ANKH: variants seen among roughly 807,000 people sequenced by gnomAD.
ANKH encodes the protein ANKH inorganic pyrophosphate transport regulator, also known as mineralization regulator ANKH.
In ANKH, 15 loss-of-function variants were observed where a neutral mutation model predicts 49.0. The observed-to-expected ratio is 0.31, with a 90% CI of 0.20 to 0.47. The LOEUF is 0.47. ANKH is among the 20% of genes least tolerant of loss of function. ANKH has a pLI of 1.00. For synonymous variants in ANKH, 273 were observed against 260.0 expected (o/e 1.05, Z -0.48); for missense variants, 429 against 652.0 (o/e 0.66, Z 3.72).
At chr5:14,760,300 C>T (rs950161373) in intron 2 of ANKH, among the ~76,000 whole-genome samples, 2 of 152,086 alleles carry the variant, frequency 1.3e-5, no homozygotes, top group African/African-American at 4.8e-5. Flanking sequence ...GCTGTGATGT[C>T]CCTGTCGTTT....
At position 14,707,941 on chromosome 5, in the gene ANKH, A is replaced by G. The variant is rs1737004090; in HGVS notation, c.*3256T>C. 6.6e-6 allele frequency: 1 copy of G among 152,202 alleles called. No individual in the cohort carries two copies. Among genetic ancestry groups the G allele is most frequent in the South Asian group, 2.1e-4 (1 of 4,830 alleles). The allele number at this position is 152,202 out of a possible 1,614,324, so 9.4% of individuals were successfully genotyped here. A position where few individuals can be genotyped will look rare whatever the true frequency, so the allele number is the denominator to read the frequency against. On this transcript the variant is annotated 3_prime_UTR_variant, in exon 12 of 12. Coordinates refer to ENST00000284268, the MANE Select transcript of ANKH (RefSeq NM_054027.6). ...TGTTTTTTACCCAGAAATGCAAACA[A>G]GTGGCCTTCTGTGCCCCATTTAAAG... is the stretch of plus-strand genomic sequence containing the variant.
intron 8 of ANKH, among the ~76,000 whole-genome samples, chr5:14,722,356 G>C (rs1414315654): frequency 6.6e-6 from 1 of 152,192 alleles, no homozygotes; most frequent in Admixed American, 6.5e-5. Flanking sequence ...TCAGGACACA[G>C]CCTTCAAAAT....
intron 2 of ANKH, among the ~76,000 whole-genome samples, chr5:14,767,181 A>G (rs1739283305): frequency 6.6e-6 from 1 of 152,200 alleles, no homozygotes; most frequent in Non-Finnish European, 1.5e-5. Flanking sequence ...CAGGATCTGG[A>G]TATAGAAAAG....
intron 6 of ANKH, 97 bp downstream of exon 6, chr5:14,749,075 A>G (rs1738630569): frequency 1.3e-6 from 2 of 1,533,588 alleles, no homozygotes; most frequent in African/African-American, 2.7e-5. Context: ...ATATTGGGGA[A>G]TTACTTGAGC....
At chr5:14,830,552 A>T (rs972238534) in intron 1 of ANKH, among the ~76,000 whole-genome samples, 7 of 147,354 alleles carry the variant, frequency 4.8e-5, no homozygotes, top group South Asian at 2.2e-4. Flanking sequence ...TGTGTGTGTG[A>T]GTGTGTGCAG....
chr5:14,743,805 G>A (rs529763990), intron 7 of ANKH, among the ~76,000 whole-genome samples: 47 of 152,328 alleles, frequency 3.1e-4, no homozygotes, highest in Admixed American at 2.2e-3. Context: ...AGGTATGCTC[G>A]TTAAAGGAAT....
chr5:14,868,415 A>G (rs1471127981), intron 1 of ANKH: 1 of 126,544 alleles, frequency 7.9e-6, no homozygotes, highest in East Asian at 2.2e-4. Flanking sequence ...TTTTTTTTTT[A>G]GACGGAGTCT....
chr5:14,729,581 C>T (rs1737930817), intron 8 of ANKH, among the ~76,000 whole-genome samples: 1 of 152,056 alleles, frequency 6.6e-6, no homozygotes. Flanking sequence ...GGAGGCGTTT[C>T]CTTTCCCTGT....
At chr5:14,764,293 C>T (rs996417742) in intron 2 of ANKH, among the ~76,000 whole-genome samples, 2 of 152,056 alleles carry the variant, frequency 1.3e-5, no homozygotes, top group East Asian at 3.9e-4. Flanking sequence ...ATGGTGGGCC[C>T]GTTCTGATTC....
chr5:14,791,531 T>C (rs1740165635), intron 1 of ANKH, among the ~76,000 whole-genome samples: 1 of 152,086 alleles, frequency 6.6e-6, no homozygotes, highest in Non-Finnish European at 1.5e-5. Flanking sequence ...GTTCCCTTGT[T>C]GTAAAAAAAA....
At chr5:14,775,951 G>C (rs540616195) in intron 1 of ANKH, among the ~76,000 whole-genome samples, 2 of 152,308 alleles carry the variant, frequency 1.3e-5, no homozygotes, top group African/African-American at 4.8e-5. Context: ...GACAAGGTGC[G>C]GCTTGGCCGA....
At chr5:14,716,625 T>C in intron 9 of ANKH, 81 bp downstream of exon 9, 1 of 1,585,588 alleles carries the variant, frequency 6.3e-7, no homozygotes, top group South Asian at 1.1e-5. Flanking sequence ...GTTGGTGACA[T>C]AATTGCAAAC....
At chr5:14,722,896 C>T (rs752321908) in intron 8 of ANKH, among the ~76,000 whole-genome samples, 3 of 151,918 alleles carry the variant, frequency 2.0e-5, no homozygotes, top group Non-Finnish European at 2.9e-5. Flanking sequence ...TCAACATCCA[C>T]GCACATACCC....
intron 1 of ANKH, among the ~76,000 whole-genome samples, chr5:14,867,245 C>T (rs1735673993): frequency 6.6e-6 from 1 of 151,604 alleles, no homozygotes; most frequent in Non-Finnish European, 1.5e-5. Flanking sequence ...AGAACTTATT[C>T]CTAAATTTAT....
At chr5:14,815,313 T>TC (rs1561068164) in intron 1 of ANKH, among the ~76,000 whole-genome samples, 1 of 152,018 alleles carries the variant, frequency 6.6e-6, no homozygotes, top group Admixed American at 6.6e-5. Context: ...GAGAGAGATT[T>TC]CCCCCCAAAA....
In ANKH at chr5:14,707,814, G is replaced by A. The variant is rs1478749657; in HGVS notation, c.*3383C>T. 6.6e-6 allele frequency: 1 copy of A among 152,186 alleles called. No individual in the cohort carries two copies. The highest frequency in any genetic ancestry group is 1.9e-4 in the East Asian group (1 of 5,202). 9.4% of individuals were successfully genotyped at this position (152,186 alleles called of 1,614,324 possible). On this transcript the variant is annotated 3_prime_UTR_variant, in exon 12 of 12. Coordinates refer to ENST00000284268, the MANE Select transcript of ANKH (RefSeq NM_054027.6). ...AATCGGCTATCCAGGACATTTCCAA[G>A]CCAAACTACCAGCTAATGCTAAAAA...
chr5:14,799,399 A>G lies in ANKH; in HGVS notation c.97-30208T>C, dbSNP rs187406825. ...GGCTACATTATACAACAGATTTTCAAGGTAGACAAAACAGTCTTTTATTGG... is the reference window on the plus strand; with the variant it reads ...GGCTACATTATACAACAGATTTTCAGGGTAGACAAAACAGTCTTTTATTGG... On this transcript the variant is annotated intron_variant, in intron 1 of 11. Transcript: ENST00000284268. Among the ~76,000 whole-genome samples the G allele has an allele frequency of 4.2e-4, 64 of 152,378 alleles. No individual in the cohort carries two copies. The Middle Eastern group carries it at 0.017, about 40-fold the overall frequency.
At chr5:14,780,646 A>G (rs891237498) in intron 1 of ANKH, among the ~76,000 whole-genome samples, 15 of 152,226 alleles carry the variant, frequency 9.9e-5, no homozygotes, top group Non-Finnish European at 4.4e-5. Flanking sequence ...GTTCCCTAAA[A>G]TAGCAAGAGA....
intron 1 of ANKH, among the ~76,000 whole-genome samples, chr5:14,795,540 T>C (rs1231132596): frequency 1.3e-5 from 2 of 152,098 alleles, no homozygotes. Context: ...GAGAACTATA[T>C]AAAGGATGCT....
Sources: gnomAD v4.1 joint callset for allele counts (sites outside exome capture counted in the v4.1 genomes callset) on GRCh38, gnomAD v4.1.1 for gene constraint, MANE v1.5 for transcripts, NCBI Gene and HGNC (gene_info 2026-07-23, HGNC 2026-07-21) for gene names.